The following ROBO1 variants were observed in gnomAD, a reference collection of about 807,000 sequenced individuals.
ROBO1 encodes the protein roundabout guidance receptor 1.
A neutral mutation model predicts 195.9 loss-of-function variants in ROBO1; 149 were observed. That is an observed-to-expected ratio of 0.76 (90% CI 0.67 to 0.87). The LOEUF (loss-of-function observed/expected upper bound fraction) is 0.87. ROBO1 is among the 40% of genes least tolerant of loss of function. The pLI is 0.00. For missense variants in ROBO1, 1,933 were observed against 2,068.3 expected (o/e 0.93, Z 1.27); for synonymous variants, 816 against 733.2 (o/e 1.11, Z -1.82).
chr3:79,332,150 G>GAAAAAA (rs1350093101), intron 2 of ROBO1, among the ~76,000 whole-genome samples: 1 of 94,254 alleles, frequency 1.1e-5, no homozygotes. Flanking sequence ...CTCAAAAAAA[G>GAAAAAA]AAAAAAAAAA....
intron 1 of ROBO1, among the ~76,000 whole-genome samples, chr3:79,714,765 G>A (rs554104055): frequency 1.3e-4 from 20 of 149,662 alleles, no homozygotes; most frequent in African/African-American, 3.2e-4. Flanking sequence ...ACCAAACAAC[G>A]CATGTTCTCA....
At chr3:78,886,253 A>G (rs1466125010) in intron 4 of ROBO1, among the ~76,000 whole-genome samples, 1 of 152,070 alleles carries the variant, frequency 6.6e-6, no homozygotes, top group Non-Finnish European at 1.5e-5. Flanking sequence ...GAGGCTTCTT[A>G]ACTCAATTTC....
chr3:78,726,832 T>G (rs757423899), intron 5 of ROBO1, among the ~76,000 whole-genome samples: 1 of 152,146 alleles, frequency 6.6e-6, no homozygotes, highest in Non-Finnish European at 1.5e-5. Flanking sequence ...ACAGAAACAT[T>G]TGAAGAAGAG....
intron 5 of ROBO1, among the ~76,000 whole-genome samples, chr3:78,721,484 T>C (rs1374164589): frequency 6.6e-6 from 1 of 152,156 alleles, no homozygotes; most frequent in Admixed American, 6.5e-5. Flanking sequence ...AATCTAACCT[T>C]GAAGTCTCTG....
At chr3:79,324,230 T>A (rs1220852872) in intron 2 of ROBO1, among the ~76,000 whole-genome samples, 1 of 152,164 alleles carries the variant, frequency 6.6e-6, no homozygotes, top group South Asian at 2.1e-4. Flanking sequence ...GGAAGATTAA[T>A]GTGGAGAGTT....
chr3:79,395,959 G>A (rs2037139835), intron 2 of ROBO1, among the ~76,000 whole-genome samples: 1 of 152,044 alleles, frequency 6.6e-6, no homozygotes, highest in Non-Finnish European at 1.5e-5. Context: ...AGTTTCTAAG[G>A]AAGGACATGG....
intron 21 of ROBO1, among the ~76,000 whole-genome samples, chr3:78,645,022 T>C (rs1303214267): frequency 6.6e-6 from 1 of 152,154 alleles, no homozygotes; most frequent in Admixed American, 6.6e-5. Context: ...TTCCCCTGGA[T>C]GCACAAACAT....
chr3:79,077,450 T>G (rs548020919), intron 3 of ROBO1, among the ~76,000 whole-genome samples: 6 of 151,976 alleles, frequency 3.9e-5, no homozygotes, highest in Non-Finnish European at 7.4e-5. Context: ...TGTATGTAGA[T>G]ATACGGAATG....
At chr3:78,712,689 T>C (rs950726166) in intron 8 of ROBO1, among the ~76,000 whole-genome samples, 2 of 152,206 alleles carry the variant, frequency 1.3e-5, no homozygotes, top group African/African-American at 2.4e-5. Context: ...TCAAGTAGTT[T>C]CTGGATTTGA....
chr3:79,766,588 C>G (rs1430621613), intron 1 of ROBO1, among the ~76,000 whole-genome samples: 4 of 151,938 alleles, frequency 2.6e-5, no homozygotes, highest in Non-Finnish European at 4.4e-5. Flanking sequence ...CCGGGTGGAG[C>G]GGCAGCCCAG....
chr3:78,708,607 AAAT>A (rs1180096807), intron 8 of ROBO1, among the ~76,000 whole-genome samples: 12 of 152,220 alleles, frequency 7.9e-5, no homozygotes, highest in African/African-American at 2.9e-4. Flanking sequence ...TAAGATAGCA[AAAT>A]AATATAAAAA....
chr3:79,522,993 A>T (rs1190902489), intron 2 of ROBO1, among the ~76,000 whole-genome samples: 2 of 152,204 alleles, frequency 1.3e-5, no homozygotes, highest in Non-Finnish European at 2.9e-5. Flanking sequence ...AGCATTTATG[A>T]AGTGCATGTT....
At chr3:79,128,996 A>T (rs2080271499) in intron 2 of ROBO1, among the ~76,000 whole-genome samples, 1 of 152,082 alleles carries the variant, frequency 6.6e-6, no homozygotes, top group African/African-American at 2.4e-5. Context: ...AGATATCTTC[A>T]TCTGAGTCCA....
chr3:79,047,626 G>A (rs2078618940), intron 3 of ROBO1, among the ~76,000 whole-genome samples: 1 of 152,028 alleles, frequency 6.6e-6, no homozygotes, highest in South Asian at 2.1e-4. Context: ...CTACGTTTTG[G>A]GGTAATTTGT....
chr3:78,655,026 A>G (rs1706913725), intron 18 of ROBO1, among the ~76,000 whole-genome samples: 1 of 152,240 alleles, frequency 6.6e-6, no homozygotes, highest in South Asian at 2.1e-4. Context: ...AGATGCATCA[A>G]GCAACTTATT....
chr3:79,533,426 T>A (rs1941736796), intron 2 of ROBO1, among the ~76,000 whole-genome samples: 2 of 152,194 alleles, frequency 1.3e-5, no homozygotes, highest in African/African-American at 2.4e-5. Flanking sequence ...ATGTTCCTCT[T>A]ATAGTTAGCC....
intron 3 of ROBO1, among the ~76,000 whole-genome samples, chr3:79,034,372 T>A (rs894884958): frequency 6.6e-6 from 1 of 152,164 alleles, no homozygotes; most frequent in Non-Finnish European, 1.5e-5. Context: ...GGCCTGTTAG[T>A]CAGAAGCCAG....
intron 3 of ROBO1, among the ~76,000 whole-genome samples, chr3:79,033,231 T>G (rs1055274869): frequency 6.6e-6 from 1 of 152,122 alleles, no homozygotes. Flanking sequence ...AAGATATGTA[T>G]GGTCCAATTG....
chr3:79,377,133 T>TA (rs1416730222), intron 2 of ROBO1, among the ~76,000 whole-genome samples: 1 of 152,106 alleles, frequency 6.6e-6, no homozygotes, highest in Admixed American at 6.5e-5. Context: ...TTGTGGTCTT[T>TA]AAAAAAATAC....
Sources: allele counts gnomAD v4.1 joint callset (sites outside exome capture counted in the v4.1 genomes callset), GRCh38; gene constraint gnomAD v4.1.1; transcripts MANE v1.5; gene names NCBI Gene and HGNC (gene_info 2026-07-23, HGNC 2026-07-21).